DNAH5: variants seen among roughly 807,000 people sequenced by gnomAD.
DNAH5 encodes the protein axonemal beta dynein heavy chain 5.
In DNAH5, 372 loss-of-function variants were observed where a neutral mutation model predicts 518.2. The ratio of observed to expected loss-of-function variants is 0.72; its 90% confidence interval spans 0.66 to 0.78. The LOEUF (loss-of-function observed/expected upper bound fraction) is 0.78, where lower values mean the gene tolerates loss of function less well. Ranked by LOEUF, DNAH5 falls within the 30% of genes least tolerant of loss-of-function variation. DNAH5 has a pLI of 0.00. For missense variants in DNAH5, 5,523 were observed against 5,687.0 expected (o/e 0.97, Z 0.93); for synonymous variants, 2,039 against 2,025.9 (o/e 1.01, Z -0.17).
intron 58 of DNAH5, among the ~76,000 whole-genome samples, chr5:13,767,713 G>A (rs1752705843): frequency 6.6e-6 from 1 of 152,160 alleles, no homozygotes; most frequent in South Asian, 2.1e-4. Flanking sequence ...AGGTTGGAGA[G>A]GGGAACAAAA....
Position 13,762,774 on chromosome 5 carries a change from G to T in DNAH5, c.10229C>A (p.Thr3410Lys). 1.2e-6 allele frequency: 2 copies of T among 1,614,112 alleles called. No homozygotes were observed. The highest frequency in any genetic ancestry group is 2.7e-5 in the African/African-American group (2 of 75,046). ...AGAAAAGAAGGAAGCCATAGCTTTC[G>T]TCCAGGAACAAAGACCAGCTACATT... Reference protein sequence around the residue: ...CGNVAGLCSWTKAMASFFSIN... With the variant: ...CGNVAGLCSWKKAMASFFSIN... The change falls in exon 60 of 79, where the codon ACG (threonine) becomes AAG (lysine). Residue 3410 changes from threonine (T) to lysine (K), a missense_variant. Transcript: ENST00000265104.
At chr5:13,737,565 A>G in intron 65 of DNAH5, 70 bp from the exon 66 acceptor site, 1 of 1,512,472 alleles carries the variant, frequency 6.6e-7, no homozygotes, top group African/African-American at 1.4e-5. Context: ...TAAGACGTTA[A>G]CCTACATGGC....
At chr5:13,822,587 G>A (rs1762369627) in intron 40 of DNAH5, among the ~76,000 whole-genome samples, 1 of 152,156 alleles carries the variant, frequency 6.6e-6, no homozygotes, top group Non-Finnish European at 1.5e-5. Context: ...TCAAGGAATT[G>A]AAGTGCAATT....
chr5:13,998,252 C>T (rs536062611), intron 1 of DNAH5, among the ~76,000 whole-genome samples: 1 of 152,162 alleles, frequency 6.6e-6, no homozygotes, highest in Non-Finnish European at 1.5e-5. Flanking sequence ...TGTTGCTGCA[C>T]CTCACATAGT....
intron 1 of DNAH5, among the ~76,000 whole-genome samples, chr5:13,993,051 C>T (rs368479175): frequency 9.2e-5 from 14 of 152,268 alleles, no homozygotes; most frequent in African/African-American, 1.9e-4. Flanking sequence ...TAGACATAAG[C>T]CAATGAAAGG....
chr5:13,778,077 T>C (rs937733136), intron 53 of DNAH5, among the ~76,000 whole-genome samples: 2 of 152,190 alleles, frequency 1.3e-5, no homozygotes, highest in African/African-American at 4.8e-5. Flanking sequence ...TAAATTATTA[T>C]TTGTACTTTA....
At chr5:13,701,580 G>T in intron 76 of DNAH5, 144 bp from the exon 77 acceptor site, 1 of 764,934 alleles carries the variant, frequency 1.3e-6, no homozygotes, top group Non-Finnish European at 2.1e-6. Context: ...AATTTTCCCT[G>T]GATTCTGGCG....
intron 55 of DNAH5, among the ~76,000 whole-genome samples, chr5:13,775,527 TAGAC>T (rs141438574): frequency 0.026 from 3,954 of 151,808 alleles, 103 homozygotes; most frequent in African/African-American, 0.063. Flanking sequence ...GATAGATAGA[TAGAC>T]AGACAGACAG....
At chr5:13,903,802 G>A (rs1774965873) in intron 12 of DNAH5, among the ~76,000 whole-genome samples, 2 of 152,162 alleles carry the variant, frequency 1.3e-5, no homozygotes, top group South Asian at 4.1e-4. Flanking sequence ...AGGCATTTGG[G>A]TGTAAAGACT....
chr5:13,835,708 C>T (rs1764292706), intron 35 of DNAH5, among the ~76,000 whole-genome samples: 1 of 152,170 alleles, frequency 6.6e-6, no homozygotes, highest in African/African-American at 2.4e-5. Context: ...CTAATATAAC[C>T]TACTGTTTTC....
intron 43 of DNAH5, among the ~76,000 whole-genome samples, chr5:13,813,576 A>G (rs1050870087): frequency 4.6e-5 from 7 of 152,150 alleles, no homozygotes; most frequent in African/African-American, 1.7e-4. Context: ...TTTTGCAAAA[A>G]CAGGGTTGCA....
chr5:13,953,252 T>G (rs1346959683), intron 1 of DNAH5, among the ~76,000 whole-genome samples: 1 of 152,160 alleles, frequency 6.6e-6, no homozygotes, highest in African/African-American at 2.4e-5. Flanking sequence ...AGAGGTGAAA[T>G]GACACCCAAT....
chr5:13,815,604 T>G (rs1490655999), intron 42 of DNAH5, among the ~76,000 whole-genome samples: 1 of 152,090 alleles, frequency 6.6e-6, no homozygotes, highest in Non-Finnish European at 1.5e-5. Flanking sequence ...ATGTCTATTG[T>G]TTATAAGCCA....
At chr5:13,817,801 G>T in intron 41 of DNAH5, 107 bp from the exon 42 acceptor site, 1 of 952,650 alleles carries the variant, frequency 1.0e-6, no homozygotes, top group Non-Finnish European at 1.6e-6. Flanking sequence ...CTCAAAATAT[G>T]AAAACTGCAG....
At chr5:13,729,409 T>C in intron 69 of DNAH5, 30 bp downstream of exon 69, 8 of 1,613,498 alleles carry the variant, frequency 5.0e-6, no homozygotes, top group Non-Finnish European at 6.8e-6. Flanking sequence ...CAACATGACA[T>C]CAGCTTAAGT....
intron 1 of DNAH5, among the ~76,000 whole-genome samples, chr5:13,938,253 C>T (rs10052734): frequency 0.4 from 60,439 of 151,636 alleles, 13,330 homozygotes; most frequent in East Asian, 0.7. Flanking sequence ...CACACGGTCC[C>T]CCTGCTATAC....
intron 38 of DNAH5, among the ~76,000 whole-genome samples, chr5:13,827,377 C>T (rs1030620372): frequency 6.6e-6 from 1 of 151,066 alleles, no homozygotes; most frequent in African/African-American, 2.4e-5. Context: ...ATCACAGGCC[C>T]AGAGGCCTAA....
chr5:13,793,862 A>C (rs1286667372), intron 48 of DNAH5, 74 bp downstream of exon 48: 3 of 1,563,220 alleles, frequency 1.9e-6, no homozygotes, highest in Middle Eastern at 1.8e-4. Context: ...ACTTAAAAAA[A>C]ATTTTTAAAA....
In DNAH5 at chr5:13,995,949, A is replaced by G. The variant is rs546043848; in HGVS notation, c.12+15699T>C. 3.7e-4 allele frequency among the ~76,000 whole-genome samples: 57 copies of G among 152,342 alleles called. No homozygotes were observed. In the South Asian group the frequency reaches 4.1e-3, roughly 11 times the overall value. On this transcript the variant is annotated intron_variant, in intron 1 of 78. Coordinates refer to the DNAH5 transcript ENST00000681290. Reference sequence around the variant, plus strand: ...ACAGTTTACAGATTTGTACCCTACAAACACAGGAATTCTGATAAAGCCTAC... The same window carrying G: ...ACAGTTTACAGATTTGTACCCTACAGACACAGGAATTCTGATAAAGCCTAC...
Sources: allele counts gnomAD v4.1 joint callset (sites outside exome capture counted in the v4.1 genomes callset), GRCh38; gene constraint gnomAD v4.1.1; transcripts MANE v1.5; gene names NCBI Gene and HGNC (gene_info 2026-07-23, HGNC 2026-07-21).